Variants in RIMS2 observed in about 807,000 individuals in gnomAD.
The protein encoded by RIMS2 is regulating synaptic membrane exocytosis 2, also known as regulating synaptic membrane exocytosis protein 2.
A neutral mutation model predicts 174.4 loss-of-function variants in RIMS2; 59 were observed. The observed-to-expected ratio is 0.34, with a 90% CI of 0.27 to 0.42. The LOEUF (loss-of-function observed/expected upper bound fraction) is 0.42. Ranked by LOEUF, RIMS2 falls within the 10% of genes least tolerant of loss-of-function variation. The pLI is 1.00. For synonymous variants in RIMS2, 606 were observed against 572.5 expected, an observed-to-expected ratio of 1.06 and a Z score of -0.84; for missense variants, 1,620 against 1,666.3, an observed-to-expected ratio of 0.97 and a Z score of 0.48.
At chr8:103,569,790 T>A (rs1370501489) in intron 1 of RIMS2, among the ~76,000 whole-genome samples, 6 of 67,984 alleles carry the variant, frequency 8.8e-5, no homozygotes, top group Non-Finnish European at 2.0e-4. Flanking sequence ...CTAATTTTAA[T>A]TTTTTTTTTT....
chr8:103,820,623 G>A (rs1014906136), intron 3 of RIMS2, among the ~76,000 whole-genome samples: 1 of 151,738 alleles, frequency 6.6e-6, no homozygotes, highest in Non-Finnish European at 1.5e-5. Context: ...TTTAAAATTT[G>A]TTGGCATTTA....
chr8:103,530,999 C>A (rs181941515), intron 1 of RIMS2, among the ~76,000 whole-genome samples: 96 of 150,602 alleles, frequency 6.4e-4, no homozygotes, highest in Non-Finnish European at 1.2e-3. Flanking sequence ...TAAAAATGGG[C>A]AGAATTTAAA....
chr8:103,772,000 T>C (rs969232020), intron 3 of RIMS2, among the ~76,000 whole-genome samples: 1 of 152,110 alleles, frequency 6.6e-6, no homozygotes, highest in Non-Finnish European at 1.5e-5. Context: ...AGGTTCAATA[T>C]GATGAATATT....
At chr8:103,638,335 G>T (rs1054120869) in intron 1 of RIMS2, among the ~76,000 whole-genome samples, 3 of 152,042 alleles carry the variant, frequency 2.0e-5, no homozygotes, top group Non-Finnish European at 4.4e-5. Context: ...TCTAATGTTA[G>T]CATATATCAG....
intron 1 of RIMS2, among the ~76,000 whole-genome samples, chr8:103,658,804 G>A (rs2096562290): frequency 6.6e-6 from 1 of 151,650 alleles, no homozygotes; most frequent in South Asian, 2.1e-4. Context: ...GTCATAGAGA[G>A]TTGCTTAGAA....
At chr8:104,213,703 C>T (rs1242354985) in intron 19 of RIMS2, among the ~76,000 whole-genome samples, 2 of 151,930 alleles carry the variant, frequency 1.3e-5, no homozygotes, top group Admixed American at 6.6e-5. Flanking sequence ...ACAGTGAAAC[C>T]CCGTCTCTAC....
At chr8:103,666,051 T>A (rs2096664786) in intron 1 of RIMS2, among the ~76,000 whole-genome samples, 1 of 152,220 alleles carries the variant, frequency 6.6e-6, no homozygotes, top group Non-Finnish European at 1.5e-5. Flanking sequence ...GAGGAAAGAA[T>A]GATTCCTGAA....
At chr8:103,781,875 G>T (rs572672982) in intron 3 of RIMS2, among the ~76,000 whole-genome samples, 2 of 150,458 alleles carry the variant, frequency 1.3e-5, no homozygotes, top group Admixed American at 1.3e-4. Flanking sequence ...AGCCTCCCAA[G>T]TAACTGGGAT....
intron 19 of RIMS2, among the ~76,000 whole-genome samples, chr8:104,105,742 T>A (rs1161246122): frequency 2.0e-5 from 3 of 151,772 alleles, no homozygotes; most frequent in Non-Finnish European, 4.4e-5. Flanking sequence ...GCTAATTTTT[T>A]AAAAAAATTT....
At chr8:103,620,976 A>T (rs1050832302) in intron 1 of RIMS2, among the ~76,000 whole-genome samples, 6 of 152,218 alleles carry the variant, frequency 3.9e-5, no homozygotes, top group African/African-American at 1.2e-4. Flanking sequence ...GAACTATGTG[A>T]CTATATTATA....
intron 14 of RIMS2, among the ~76,000 whole-genome samples, chr8:103,959,083 T>C (rs115915629): frequency 0.013 from 2,010 of 152,276 alleles, 59 homozygotes; most frequent in African/African-American, 0.046. Context: ...GCAACTGATG[T>C]CCTTGTCATG....
In RIMS2 at chr8:103,912,240, A is replaced by T; in HGVS notation, c.1812+68A>T. 5.6e-6 allele frequency: 7 copies of T among 1,260,636 alleles called. No homozygotes were observed. The South Asian group carries it at 8.8e-5, about 16-fold the overall frequency. The allele number at this position is 1,260,636 out of a possible 1,614,324, so 78.1% of individuals were successfully genotyped here. ...AGATTTACCAGAAAAGCAAAGGATAACTCTTTCAACCTGTACCAATTTAGT... is the reference window on the plus strand; with the variant it reads ...AGATTTACCAGAAAAGCAAAGGATATCTCTTTCAACCTGTACCAATTTAGT... On this transcript the variant is annotated intron_variant, in intron 6 of 23. Coordinates refer to ENST00000504942, the Ensembl canonical transcript of RIMS2.
intron 1 of RIMS2, among the ~76,000 whole-genome samples, chr8:103,561,596 A>G (rs147525808): frequency 2.6e-5 from 4 of 152,336 alleles, no homozygotes; most frequent in African/African-American, 4.8e-5. Context: ...TTCTTATATC[A>G]GCAACATCAA....
chr8:104,242,248 T>C (rs576284102), intron 19 of RIMS2, among the ~76,000 whole-genome samples: 3 of 152,264 alleles, frequency 2.0e-5, no homozygotes, highest in African/African-American at 7.2e-5. Flanking sequence ...TGTTTTTTCC[T>C]ACACCATTTG....
At chr8:103,869,016 G>T (rs67138437) in intron 3 of RIMS2, among the ~76,000 whole-genome samples, 60,775 of 151,200 alleles carry the variant, frequency 0.4, 12,582 homozygotes, top group African/African-American at 0.44. Context: ...TTTAGTTTTC[G>T]CTTTTTGGAT....
At chr8:103,572,621 A>G (rs1396472436) in intron 1 of RIMS2, among the ~76,000 whole-genome samples, 2 of 150,862 alleles carry the variant, frequency 1.3e-5, no homozygotes, top group African/African-American at 2.4e-5. Context: ...GATGTATCTC[A>G]TTGTGGTTTT....
chr8:103,609,486 A>C (rs932792933), intron 1 of RIMS2, among the ~76,000 whole-genome samples: 3 of 152,136 alleles, frequency 2.0e-5, no homozygotes, highest in Non-Finnish European at 2.9e-5. Context: ...TTATAGTTTC[A>C]GGCTTTACAT....
chr8:103,684,386 A>G (rs1032017316), intron 1 of RIMS2, among the ~76,000 whole-genome samples: 1 of 152,088 alleles, frequency 6.6e-6, no homozygotes, highest in Non-Finnish European at 1.5e-5. Flanking sequence ...ACACTTTTAA[A>G]TGGTTGATTA....
chr8:103,767,312 C>T (rs1027844739), intron 3 of RIMS2, among the ~76,000 whole-genome samples: 1 of 151,814 alleles, frequency 6.6e-6, no homozygotes, highest in Non-Finnish European at 1.5e-5. Flanking sequence ...CTCAGCCTCC[C>T]GAGTAGCTGG....
Sources: allele counts gnomAD v4.1 joint callset (sites outside exome capture counted in the v4.1 genomes callset), GRCh38; gene constraint gnomAD v4.1.1; transcripts MANE v1.5; gene names NCBI Gene and HGNC (gene_info 2026-07-23, HGNC 2026-07-21).